PTPN3: variants seen among roughly 807,000 people sequenced by gnomAD.
PTPN3 encodes tyrosine-protein phosphatase non-receptor type 3.
PTPN3 carries 96 observed loss-of-function variants against 132.7 expected under a neutral mutation model. That is an observed-to-expected ratio of 0.72 (90% CI 0.61 to 0.86). The LOEUF is 0.86. PTPN3 is among the 40% of genes least tolerant of loss of function. The pLI is 0.00. For synonymous variants in PTPN3, 398 were observed against 429.0 expected, an observed-to-expected ratio of 0.93 and a Z score of 0.89; for missense variants, 1,125 against 1,159.6, an observed-to-expected ratio of 0.97 and a Z score of 0.43.
At chr9:109,471,200 G>GCCTCCACGCCTGTGCCA in intron 1 of PTPN3, among the ~76,000 whole-genome samples, 1 of 152,230 alleles carries the variant, frequency 6.6e-6, no homozygotes, top group South Asian at 2.1e-4. Flanking sequence ...GGGGCTACAG[G>GCCTCCACGCCTGTGCCA]CCTGTGCCAC....
At position 109,383,485 on chromosome 9, in the gene PTPN3, A is replaced by T. The variant is rs150008661; in HGVS notation, c.2320T>A (p.Cys774Ser). ...GCGATGGTGCAGTCCTCTGACTGAC[A>T]CTGGATGTGAAAGCCGCCGTGGTTC... ...VMNHGGFHIQ[C>S]QSEDCTIAYV... The change falls in exon 23 of 26, where the codon TGT becomes AGT. Residue 774 changes from cysteine (C) to serine (S), a missense_variant. Coordinates refer to ENST00000374541, the MANE Select transcript of PTPN3 (RefSeq NM_002829.4). 101 of 1,613,806 alleles carry T rather than the reference A, an allele frequency of 6.3e-5. No homozygotes were observed. In the Middle Eastern group the frequency reaches 6.6e-4, roughly 11 times the overall value.
chr9:109,401,931 AT>A (rs1425699734), intron 19 of PTPN3, among the ~76,000 whole-genome samples: 1 of 152,104 alleles, frequency 6.6e-6, no homozygotes, highest in Admixed American at 6.5e-5. Flanking sequence ...ATTCTGTATA[AT>A]AACATCTTAC....
chr9:109,421,709 CA>C (rs1468953813), intron 13 of PTPN3, among the ~76,000 whole-genome samples: 7 of 152,256 alleles, frequency 4.6e-5, no homozygotes, highest in Admixed American at 3.9e-4. Flanking sequence ...CAAATCTATT[CA>C]GTTACGTCAT....
At chr9:109,441,965 T>A (rs931718166) in intron 7 of PTPN3, among the ~76,000 whole-genome samples, 1 of 152,234 alleles carries the variant, frequency 6.6e-6, no homozygotes, top group African/African-American at 2.4e-5. Context: ...TGAGGACTTA[T>A]ATCAGATGCC....
the PTPN3 span, among the ~76,000 whole-genome samples, chr9:109,510,419 G>A: frequency 6.6e-6 from 1 of 151,678 alleles, no homozygotes; most frequent in Non-Finnish European, 1.5e-5. Context: ...TTAGCCAGGT[G>A]TGGTGGTGCA....
chr9:109,527,458 C>A, the PTPN3 span, among the ~76,000 whole-genome samples: 8 of 151,550 alleles, frequency 5.3e-5, no homozygotes, highest in African/African-American at 1.9e-4. Context: ...GAGACACTGT[C>A]TAAATAAATA....
chr9:109,532,697 C>T, the PTPN3 span: 87 of 237,772 alleles, frequency 3.7e-4, no homozygotes, highest in Admixed American at 4.1e-4. Context: ...TTCTATTTAT[C>T]TGGTCAATGG....
chr9:109,426,446 T>G (rs1358899089), intron 12 of PTPN3, among the ~76,000 whole-genome samples: 1 of 152,236 alleles, frequency 6.6e-6, no homozygotes, highest in Non-Finnish European at 1.5e-5. Context: ...CAGCACAAAG[T>G]AAATGCTCAG....
chr9:109,535,258 A>G, the PTPN3 span, among the ~76,000 whole-genome samples: 7 of 152,202 alleles, frequency 4.6e-5, no homozygotes, highest in African/African-American at 1.4e-4. Flanking sequence ...TACGTTCTTT[A>G]TGATCATTCA....
At chr9:109,420,338 C>T in intron 14 of PTPN3, 86 bp downstream of exon 14, 1 of 1,383,756 alleles carries the variant, frequency 7.2e-7, no homozygotes, top group Non-Finnish European at 9.7e-7. Context: ...GCTCTTGGTT[C>T]CTCTCAAATG....
chr9:109,449,347 G>A (rs1272691969), intron 5 of PTPN3: 1 of 986,770 alleles, frequency 1.0e-6, no homozygotes, highest in African/African-American at 1.7e-5. Flanking sequence ...CTTCTTGGCT[G>A]GGGTACAAAC....
chr9:109,377,396 ACAC>A lies in PTPN3; in HGVS notation c.*2157_*2159del, dbSNP rs1838656826. ...GGCAACACATCAAGATCCTGTCTCTACACACACACACACACACACACACACACA... is the reference window on the plus strand; with the variant it reads ...GGCAACACATCAAGATCCTGTCTCTAACACACACACACACACACACACACA... On this transcript the variant is annotated 3_prime_UTR_variant, in exon 26 of 26. Transcript: ENST00000374541. 2 of 1,980 alleles carry A rather than the reference ACAC, an allele frequency of 1.0e-3. No homozygotes were observed. Among genetic ancestry groups the A allele is most frequent in the Admixed American group, 9.6e-3 (1 of 104 alleles). 0.1% of individuals were successfully genotyped at this position (1,980 alleles called of 1,614,324 possible). A position where few individuals can be genotyped will look rare whatever the true frequency, so the allele number is the denominator to read the frequency against.
At position 109,400,352 on chromosome 9, in the gene PTPN3, G is replaced by A. The variant is rs181815692; in HGVS notation, c.1953+4096C>T. Reference sequence around the variant, plus strand: ...GACCACATACCAGACAACACATTAAGTATTTATCTCATCTAACTCTTAAAT... The same window carrying A: ...GACCACATACCAGACAACACATTAAATATTTATCTCATCTAACTCTTAAAT... On this transcript the variant is annotated intron_variant, in intron 19 of 25. Transcript: ENST00000374541. 9.2e-5 allele frequency among the ~76,000 whole-genome samples: 14 copies of A among 152,246 alleles called. No individual in the cohort carries two copies. In the East Asian group the frequency reaches 2.7e-3, roughly 29 times the overall value.
chr9:109,500,927 C>CAAA (rs147542257), upstream of PTPN3, among the ~76,000 whole-genome samples: 1 of 84,230 alleles, frequency 1.2e-5, no homozygotes, highest in South Asian at 3.6e-4. Context: ...GATTCTGTCT[C>CAAA]AAATAAAAAA....
the PTPN3 span, among the ~76,000 whole-genome samples, chr9:109,531,877 AT>A: frequency 7.5e-3 from 1,143 of 152,116 alleles, 10 homozygotes; most frequent in African/African-American, 0.026. Context: ...AATCCCTTGC[AT>A]TCTGCCTGAA....
chr9:109,452,084 A>G (rs754572087), intron 5 of PTPN3, among the ~76,000 whole-genome samples: 31 of 152,130 alleles, frequency 2.0e-4, no homozygotes, highest in African/African-American at 5.6e-4. Flanking sequence ...CCTGGCCAAC[A>G]TGGTGAAACC....
At chr9:109,416,241 G>C (rs771576986) in intron 14 of PTPN3, among the ~76,000 whole-genome samples, 2 of 152,130 alleles carry the variant, frequency 1.3e-5, no homozygotes, top group African/African-American at 4.8e-5. Flanking sequence ...CTGGGTCAGC[G>C]TCAAGGAGGC....
chr9:109,485,005 G>A (rs1054704993), intron 1 of PTPN3, among the ~76,000 whole-genome samples: 2 of 152,098 alleles, frequency 1.3e-5, no homozygotes, highest in Non-Finnish European at 2.9e-5. Flanking sequence ...AAGGTGGGTG[G>A]ATTACTTGAG....
intron 14 of PTPN3, among the ~76,000 whole-genome samples, chr9:109,418,931 T>C (rs1450132561): frequency 6.6e-6 from 1 of 152,152 alleles, no homozygotes; most frequent in Non-Finnish European, 1.5e-5. Context: ...TAAACCGTTT[T>C]CTCCTTTTGC....
Sources: allele counts gnomAD v4.1 joint callset (sites outside exome capture counted in the v4.1 genomes callset), GRCh38; gene constraint gnomAD v4.1.1; transcripts MANE v1.5; gene names NCBI Gene and HGNC (gene_info 2026-07-23, HGNC 2026-07-21).